Variants in VKORC1L1 observed in about 807,000 individuals in gnomAD.
The protein encoded by VKORC1L1 is vitamin K epoxide reductase complex subunit 1-like protein 1.
In VKORC1L1, 2 loss-of-function variants were observed where a neutral mutation model predicts 18.9. The ratio of observed to expected loss-of-function variants is 0.11; its 90% CI spans 0.04 to 0.33. The LOEUF is 0.33. VKORC1L1 is among the 10% of genes least tolerant of loss of function. The probability of loss-of-function intolerance (pLI) is 1.00; values close to 1 mark genes in which losing one functional copy is unlikely to be tolerated. For synonymous variants in VKORC1L1, 96 were observed against 100.0 expected, an observed-to-expected ratio of 0.96 and a Z score of 0.24; for missense variants, 123 against 224.1, an observed-to-expected ratio of 0.55 and a Z score of 2.88.
chr7:65,881,662 T>C (rs1788929708), intron 1 of VKORC1L1, among the ~76,000 whole-genome samples: 7 of 152,198 alleles, frequency 4.6e-5, no homozygotes, highest in Admixed American at 4.6e-4. Flanking sequence ...TCAAGTCCCA[T>C]TTTGCATACA....
At chr7:65,941,138 C>T (rs1583862690) in intron 1 of VKORC1L1, among the ~76,000 whole-genome samples, 1 of 152,134 alleles carries the variant, frequency 6.6e-6, no homozygotes, top group South Asian at 2.1e-4. Context: ...TTAAGACAGG[C>T]TCTCACTCTG....
chr7:65,938,112 G>T (rs1789976138), intron 1 of VKORC1L1, among the ~76,000 whole-genome samples: 1 of 152,134 alleles, frequency 6.6e-6, no homozygotes, highest in African/African-American at 2.4e-5. Context: ...GGAGGCTGAG[G>T]CAGGAGAATT....
In VKORC1L1 at chr7:65,957,851, A is replaced by G. The variant is rs1160104035; in HGVS notation, c.*3551A>G. On this transcript the variant is annotated 3_prime_UTR_variant, in exon 3 of 3. Coordinates refer to ENST00000360768, the MANE Select transcript of VKORC1L1 (RefSeq NM_173517.6). ...GTCTCAAATAAAAAAATAAAAATAA[A>G]AACTATTTGTTGACTTTTGTTTTTC... 1 of 147,234 alleles carries G rather than the reference A, an allele frequency of 6.8e-6. No homozygotes were observed. Among genetic ancestry groups the G allele is most frequent in the African/African-American group, 2.4e-5 (1 of 41,070 alleles). 9.1% of individuals were successfully genotyped at this position (147,234 alleles called of 1,614,324 possible).
Position 65,873,548 on chromosome 7 carries a change from CG to C in VKORC1L1, c.178del (p.Ala60ProfsTer24). ...CDLGPWVKCSAALASRWGRGF... is the reference protein window; with the variant it reads ...CDLGPWVKCSXALASRWGRGF... ...ACCTGGGGCCCTGGGTGAAGTGCTC[CG>C]CCGCCCTTGCCTCCAGGTAGCCGGC... is the stretch of plus-strand genomic sequence containing the variant. On this transcript the variant is annotated frameshift_variant, in exon 1 of 3. Coordinates refer to ENST00000360768, the MANE Select transcript of VKORC1L1 (RefSeq NM_173517.6). LOFTEE classifies it high-confidence loss of function. 1 of 1,559,850 alleles carries C rather than the reference CG, an allele frequency of 6.4e-7. No individual in the cohort carries two copies. Among genetic ancestry groups the C allele is most frequent in the Non-Finnish European group, 8.6e-7 (1 of 1,156,510 alleles).
chr7:65,939,667 C>A (rs1790002594), intron 1 of VKORC1L1, among the ~76,000 whole-genome samples: 1 of 152,174 alleles, frequency 6.6e-6, no homozygotes, highest in African/African-American at 2.4e-5. Context: ...AGAGGGCATT[C>A]ATTTCTGCCG....
Position 65,880,145 on chromosome 7 carries a change from C to T in VKORC1L1, c.194+6580C>T, listed in dbSNP as rs536143022. Among the ~76,000 whole-genome samples the T allele has an allele frequency of 1.2e-3, 181 of 152,270 alleles. 1 individual carries two copies. Among genetic ancestry groups the T allele is most frequent in the African/African-American group, 4.2e-3 (175 of 41,562 alleles). ...CTGAGATTACAGGTGTGAGCCACCA[C>T]GCCCAGCCTTTTACCACTACTTTAA... On this transcript the variant is annotated intron_variant, in intron 1 of 2. Coordinates refer to ENST00000360768, the MANE Select transcript of VKORC1L1 (RefSeq NM_173517.6).
At chr7:65,920,374 T>A (rs1450984168) in intron 1 of VKORC1L1, among the ~76,000 whole-genome samples, 1 of 152,196 alleles carries the variant, frequency 6.6e-6, no homozygotes, top group Admixed American at 6.5e-5. Context: ...AAGTATTTTT[T>A]AAATAAATGT....
chr7:65,868,484 A>G (rs1788688770), upstream of VKORC1L1, among the ~76,000 whole-genome samples: 1 of 152,224 alleles, frequency 6.6e-6, no homozygotes, highest in Non-Finnish European at 1.5e-5. Context: ...ATCTACCCAA[A>G]GGGAAAGAAA....
At chr7:65,921,402 TAG>T (rs1418218135) in intron 1 of VKORC1L1, among the ~76,000 whole-genome samples, 1 of 152,164 alleles carries the variant, frequency 6.6e-6, no homozygotes, top group African/African-American at 2.4e-5. Flanking sequence ...ATTTACCTTT[TAG>T]AGACAAGGTC....
intron 1 of VKORC1L1, among the ~76,000 whole-genome samples, chr7:65,916,416 G>A (rs146719772): frequency 3.8e-4 from 57 of 151,918 alleles, no homozygotes; most frequent in Non-Finnish European, 6.0e-4. Flanking sequence ...CATCGCCTTC[G>A]ATAGCTTCCT....
In VKORC1L1 at chr7:65,901,773, G is replaced by A. The variant is rs556548944; in HGVS notation, c.194+28208G>A. ...AGGTGGAGGAGTCTCCTGAAATCTG[G>A]TTGAGTCCTGATCTACAGGTGCATG... On this transcript the variant is annotated intron_variant, in intron 1 of 2. Transcript: ENST00000360768. Among the ~76,000 whole-genome samples the A allele has an allele frequency of 3.7e-4, 56 of 152,214 alleles. No individual in the cohort carries two copies. In the South Asian group the frequency reaches 0.011, roughly 30 times the overall value.
intron 1 of VKORC1L1, among the ~76,000 whole-genome samples, chr7:65,881,562 A>G (rs572977093): frequency 4.3e-4 from 66 of 152,296 alleles, no homozygotes; most frequent in Admixed American, 7.2e-4. Context: ...GAACAGTTCA[A>G]TGTCTCAGGT....
In VKORC1L1 at chr7:65,954,529, C is replaced by G; in HGVS notation, c.*229C>G. ...AAGGATACGCCGAGCCAATCAAAGA[C>G]AAGCTTTAACTTTACTTTGAAGTGT... On this transcript the variant is annotated 3_prime_UTR_variant, in exon 3 of 3. Transcript: ENST00000360768. 1 of 720,340 alleles carries G rather than the reference C, an allele frequency of 1.4e-6. No individual in the cohort carries two copies. The highest frequency in any genetic ancestry group is 3.1e-5 in the South Asian group (1 of 32,524). 44.6% of individuals were successfully genotyped at this position (720,340 alleles called of 1,614,324 possible).
intron 1 of VKORC1L1, among the ~76,000 whole-genome samples, chr7:65,899,623 A>G (rs1789275663): frequency 6.6e-6 from 1 of 152,186 alleles, no homozygotes; most frequent in Non-Finnish European, 1.5e-5. Flanking sequence ...GGTGGAAGGT[A>G]TGTGACTTGC....
intron 1 of VKORC1L1, among the ~76,000 whole-genome samples, chr7:65,879,974 C>T (rs1788901055): frequency 6.6e-6 from 1 of 152,040 alleles, no homozygotes; most frequent in Non-Finnish European, 1.5e-5. Context: ...ACCTCAGCTT[C>T]CTGAGTAGCT....
At chr7:65,890,370 A>G (rs567488042) in intron 1 of VKORC1L1, among the ~76,000 whole-genome samples, 16 of 152,026 alleles carry the variant, frequency 1.1e-4, no homozygotes, top group Non-Finnish European at 1.8e-4. Context: ...TGACCTCGTG[A>G]TCCGCCTGCC....
intron 1 of VKORC1L1, among the ~76,000 whole-genome samples, chr7:65,941,493 A>G (rs931045952): frequency 6.6e-6 from 1 of 151,958 alleles, no homozygotes; most frequent in Non-Finnish European, 1.5e-5. Flanking sequence ...TACATTATTC[A>G]ATGTATTTTT....
chr7:65,920,290 A>G (rs977085674), intron 1 of VKORC1L1, among the ~76,000 whole-genome samples: 5 of 152,128 alleles, frequency 3.3e-5, no homozygotes, highest in African/African-American at 4.8e-5. Context: ...CCATGAGGAC[A>G]TACAATGTTG....
intron 1 of VKORC1L1, among the ~76,000 whole-genome samples, chr7:65,883,871 A>G (rs1788969757): frequency 6.6e-6 from 1 of 152,218 alleles, no homozygotes; most frequent in Non-Finnish European, 1.5e-5. Flanking sequence ...ATTTAAAGCT[A>G]TTGAATTACG....
Sources: allele counts gnomAD v4.1 joint callset (sites outside exome capture counted in the v4.1 genomes callset), GRCh38; gene constraint gnomAD v4.1.1; transcripts MANE v1.5; gene names NCBI Gene and HGNC (gene_info 2026-07-23, HGNC 2026-07-21).